The following FMNL2 variants were observed in gnomAD, a reference collection of about 807,000 sequenced individuals.
FMNL2 encodes formin-like protein 2.
A neutral mutation model predicts 130.2 loss-of-function variants in FMNL2; 51 were observed. The ratio of observed to expected loss-of-function variants is 0.39; its 90% CI spans 0.31 to 0.49. FMNL2 has a LOEUF of 0.49. Ranked by LOEUF, FMNL2 falls within the 20% of genes least tolerant of loss-of-function variation. The pLI, the probability that FMNL2 is intolerant of heterozygous loss-of-function variation, is 0.85. For synonymous variants in FMNL2, 465 were observed against 467.1 expected (o/e 1.00, Z 0.06); for missense variants, 977 against 1,316.2 (o/e 0.74, Z 3.99).
rs143608561 is a variant in FMNL2 at position 152,477,222 on chromosome 2, A to G, written c.118-44721A>G. Among the ~76,000 whole-genome samples the G allele has an allele frequency of 3.5e-3, 532 of 152,346 alleles. 6 individuals carry two copies. Among genetic ancestry groups the G allele is most frequent in the Non-Finnish European group, 5.2e-3 (356 of 68,032 alleles). On this transcript the variant is annotated intron_variant, in intron 1 of 25. Coordinates refer to ENST00000288670, the MANE Select transcript of FMNL2 (RefSeq NM_052905.4). Reference sequence around the variant, plus strand: ...CAAGAATTATAGTGCAGTAAGCCACAGCAGACAGCTAGCTGCTGAAATCTA... The same window carrying G: ...CAAGAATTATAGTGCAGTAAGCCACGGCAGACAGCTAGCTGCTGAAATCTA...
rs1694991837 is a variant in FMNL2 at position 152,552,508 on chromosome 2, C to T, written c.359+3411C>T. ...ACTTGAGCTTTCCCAAGATAACATTCTGAGCTGCAGCTTTGTCAAGCAAAG... is the reference window on the plus strand; with the variant it reads ...ACTTGAGCTTTCCCAAGATAACATTTTGAGCTGCAGCTTTGTCAAGCAAAG... On this transcript the variant is annotated intron_variant, in intron 4 of 25. Transcript: ENST00000288670. Among the ~76,000 whole-genome samples, 5 of 152,220 alleles carry T rather than the reference C, an allele frequency of 3.3e-5. No homozygotes were observed. In the South Asian group the frequency reaches 1.0e-3, roughly 31 times the overall value.
chr2:152,621,657 A>G (rs1170678570), intron 15 of FMNL2, among the ~76,000 whole-genome samples: 1 of 152,228 alleles, frequency 6.6e-6, no homozygotes, highest in Non-Finnish European at 1.5e-5. Flanking sequence ...TGAGTCTTTG[A>G]TAGCTCGAGA....
intron 1 of FMNL2, among the ~76,000 whole-genome samples, chr2:152,364,834 T>A (rs1244155068): frequency 6.6e-6 from 1 of 152,248 alleles, no homozygotes; most frequent in Admixed American, 6.5e-5. Context: ...AATTTGTTAA[T>A]AAGTTCTTGA....
intron 15 of FMNL2, among the ~76,000 whole-genome samples, chr2:152,624,074 CACTCAATT>C (rs1681585582): frequency 0.02 from 45 of 2,262 alleles, 8 homozygotes; most frequent in East Asian, 0.029. Flanking sequence ...CCCTCCCCTC[CACTCAATT>C]CCCTTCGCCT....
rs1324245695 is a variant in FMNL2, at chr2:152,364,285, T to G, written c.117+28565T>G. Reference sequence around the variant, plus strand: ...TGTTTTTTTTTTTTTTTTTTTTTTTTTTTTTTTACCAGATCCTTAGATATT... The same window carrying G: ...TGTTTTTTTTTTTTTTTTTTTTTTTGTTTTTTTACCAGATCCTTAGATATT... On this transcript the variant is annotated intron_variant, in intron 1 of 25. Transcript: ENST00000288670. Among the ~76,000 whole-genome samples, 60 of 148,836 alleles carry G rather than the reference T, an allele frequency of 4.0e-4. 1 individual carries two copies. Among genetic ancestry groups the G allele is most frequent in the Non-Finnish European group, 7.0e-4 (47 of 67,458 alleles).
chr2:152,386,400 G>T (rs977534497), intron 1 of FMNL2, among the ~76,000 whole-genome samples: 2 of 152,166 alleles, frequency 1.3e-5, no homozygotes, highest in African/African-American at 4.8e-5. Context: ...CACTTGTCTT[G>T]TCATCTTCTC....
intron 1 of FMNL2, among the ~76,000 whole-genome samples, chr2:152,502,688 A>G (rs375632020): frequency 3.3e-4 from 51 of 152,346 alleles, no homozygotes; most frequent in African/African-American, 1.1e-3. Flanking sequence ...CTCCGACTCA[A>G]AAAAACCCAG....
At chr2:152,559,921 C>T (rs1429529206) in intron 5 of FMNL2, among the ~76,000 whole-genome samples, 1 of 152,200 alleles carries the variant, frequency 6.6e-6, no homozygotes, top group Non-Finnish European at 1.5e-5. Context: ...TCTCTGCTAT[C>T]TGATTAGTCT....
intron 1 of FMNL2, among the ~76,000 whole-genome samples, chr2:152,345,836 G>GC (rs1460075320): frequency 1.3e-5 from 2 of 152,164 alleles, no homozygotes; most frequent in Non-Finnish European, 2.9e-5. Flanking sequence ...GGCTTGTGCA[G>GC]CCCTTCCTCT....
rs139966663 is a variant in FMNL2 at position 152,458,840 on chromosome 2, A to G, written c.118-63103A>G. On this transcript the variant is annotated intron_variant, in intron 1 of 25. Transcript: ENST00000288670. ...TTTACATGTAGGTGGAGGTTATTAT[A>G]TTTCTGGGAAACGATACCAGTTTTC... Among the ~76,000 whole-genome samples the G allele has an allele frequency of 2.6e-5, 4 of 152,318 alleles. No individual in the cohort carries two copies. The East Asian group carries it at 7.7e-4, about 29-fold the overall frequency.
intron 23 of FMNL2, among the ~76,000 whole-genome samples, chr2:152,638,660 C>T (rs1247905567): frequency 2.0e-5 from 3 of 152,180 alleles, no homozygotes; most frequent in African/African-American, 7.2e-5. Flanking sequence ...TCAGGGTGAA[C>T]AGAAACACAG....
chr2:152,396,508 T>A (rs149725416), intron 1 of FMNL2, among the ~76,000 whole-genome samples: 2 of 152,348 alleles, frequency 1.3e-5, no homozygotes, highest in East Asian at 3.9e-4. Flanking sequence ...TTTCTACTTC[T>A]CCTGCTCATT....
At chr2:152,554,268 G>A (rs1252556389) in intron 4 of FMNL2, among the ~76,000 whole-genome samples, 2 of 152,162 alleles carry the variant, frequency 1.3e-5, no homozygotes, top group African/African-American at 4.8e-5. Flanking sequence ...TTAACCAGGT[G>A]TGGTGGCATG....
intron 1 of FMNL2, among the ~76,000 whole-genome samples, chr2:152,452,787 G>A (rs1277166090): frequency 6.6e-6 from 1 of 152,132 alleles, no homozygotes; most frequent in Non-Finnish European, 1.5e-5. Context: ...GCTGTCGATG[G>A]GGAGGGCTGT....
intron 2 of FMNL2, among the ~76,000 whole-genome samples, chr2:152,539,984 G>A (rs1011040703): frequency 5.9e-5 from 9 of 152,108 alleles, no homozygotes; most frequent in African/African-American, 2.2e-4. Flanking sequence ...CAACTTCTTA[G>A]GAGGTGGAAT....
intron 9 of FMNL2, among the ~76,000 whole-genome samples, chr2:152,602,471 T>C (rs2105824284): frequency 6.6e-6 from 1 of 152,310 alleles, no homozygotes; most frequent in Middle Eastern, 3.4e-3. Context: ...ACAGAAGGGC[T>C]CCTTGCCGCT....
At chr2:152,408,182 A>T (rs1686096633) in intron 1 of FMNL2, among the ~76,000 whole-genome samples, 1 of 152,170 alleles carries the variant, frequency 6.6e-6, no homozygotes, top group Non-Finnish European at 1.5e-5. Context: ...GATAATAGAT[A>T]TTGAGTAGTT....
At position 152,640,064 on chromosome 2, in the gene FMNL2, GT is replaced by G; in HGVS notation, c.3045+9del. The G allele has an allele frequency of 6.5e-7, 1 of 1,544,918 alleles. No homozygotes were observed. Among genetic ancestry groups the G allele is most frequent in the African/African-American group, 1.4e-5 (1 of 72,556 alleles). On this transcript the variant is annotated intron_variant, in intron 24 of 25. Coordinates refer to ENST00000288670, the MANE Select transcript of FMNL2 (RefSeq NM_052905.4). ...GAGCAGCAGGATCCAAAGGTAAGAA[GT>G]GCCGCACTCATGAGACAGGTCCGTG...
chr2:152,544,793 G>A (rs1694526524), intron 3 of FMNL2, among the ~76,000 whole-genome samples: 1 of 152,118 alleles, frequency 6.6e-6, no homozygotes, highest in South Asian at 2.1e-4. Flanking sequence ...TACCCCACAT[G>A]GAGGAAGATG....
Sources: gnomAD v4.1 joint callset for allele counts (sites outside exome capture counted in the v4.1 genomes callset) on GRCh38, gnomAD v4.1.1 for gene constraint, MANE v1.5 for transcripts, NCBI Gene and HGNC (gene_info 2026-07-23, HGNC 2026-07-21) for gene names.